The following SORCS1 variants were observed in gnomAD, a reference collection of about 807,000 sequenced individuals.
SORCS1 encodes sortilin related VPS10 domain containing receptor 1, also known as VPS10 domain-containing receptor SorCS1.
Under a neutral mutation model 146.1 loss-of-function variants are expected in SORCS1, and 60 were observed. That is an observed-to-expected ratio of 0.41 (90% CI 0.33 to 0.51). The LOEUF (loss-of-function observed/expected upper bound fraction) is 0.51. Ranked by LOEUF, SORCS1 falls within the 20% of genes least tolerant of loss-of-function variation. The pLI is 0.21. For synonymous variants in SORCS1, 637 were observed against 584.0 expected, an observed-to-expected ratio of 1.09 and a Z score of -1.31; for missense variants, 1,352 against 1,487.6, an observed-to-expected ratio of 0.91 and a Z score of 1.50.
chr10:106,807,724 T>G (rs1001642561), intron 3 of SORCS1, among the ~76,000 whole-genome samples: 1 of 152,270 alleles, frequency 6.6e-6, no homozygotes, highest in African/African-American at 2.4e-5. Context: ...CTTCTGCATC[T>G]CTGCCAAGAA....
At chr10:106,759,433 C>T (rs1858908693) in intron 5 of SORCS1, among the ~76,000 whole-genome samples, 1 of 152,150 alleles carries the variant, frequency 6.6e-6, no homozygotes, top group Non-Finnish European at 1.5e-5. Flanking sequence ...ATGTCTTTTC[C>T]ACAGGCAGAT....
chr10:106,788,037 C>A (rs938394054), intron 3 of SORCS1, among the ~76,000 whole-genome samples: 4 of 152,116 alleles, frequency 2.6e-5, no homozygotes, highest in Non-Finnish European at 4.4e-5. Flanking sequence ...TTACATGTTG[C>A]CTTTGAAAGT....
intron 5 of SORCS1, among the ~76,000 whole-genome samples, chr10:106,732,038 T>C (rs1856634740): frequency 1.3e-5 from 2 of 152,226 alleles, no homozygotes; most frequent in Non-Finnish European, 2.9e-5. Context: ...AAACTCATTT[T>C]TCCAACTCAA....
chr10:106,813,271 T>C (rs1387814083), intron 3 of SORCS1, among the ~76,000 whole-genome samples: 2 of 151,734 alleles, frequency 1.3e-5, no homozygotes, highest in African/African-American at 4.8e-5. Context: ...TAGCTGAAAT[T>C]ACAGGCACCC....
intron 16 of SORCS1, among the ~76,000 whole-genome samples, chr10:106,668,694 C>G (rs1419166155): frequency 6.6e-6 from 1 of 152,192 alleles, no homozygotes; most frequent in Non-Finnish European, 1.5e-5. Context: ...TGTCACCAGG[C>G]AGCTGGTACT....
intron 3 of SORCS1, among the ~76,000 whole-genome samples, chr10:106,821,150 G>A (rs970880861): frequency 1.3e-5 from 2 of 152,142 alleles, no homozygotes; most frequent in African/African-American, 2.4e-5. Flanking sequence ...TGATCACTTG[G>A]CCACAGAGGC....
upstream of SORCS1, among the ~76,000 whole-genome samples, chr10:107,168,109 A>G (rs558227396): frequency 6.6e-6 from 1 of 152,304 alleles, no homozygotes; most frequent in Non-Finnish European, 1.5e-5. Flanking sequence ...CTCTACCCTC[A>G]TCCTAATACG....
chr10:106,634,742 G>C (rs974713962), intron 18 of SORCS1, among the ~76,000 whole-genome samples: 2 of 152,192 alleles, frequency 1.3e-5, no homozygotes, highest in Admixed American at 1.3e-4. Context: ...TAGTAAGACA[G>C]TATCATGTTT....
At chr10:106,766,944 TAAAC>T (rs1287661428) in intron 4 of SORCS1, among the ~76,000 whole-genome samples, 4 of 152,116 alleles carry the variant, frequency 2.6e-5, no homozygotes, top group African/African-American at 9.7e-5. Flanking sequence ...TCTGTGCAAA[TAAAC>T]AGAGCAGCAA....
intron 2 of SORCS1, among the ~76,000 whole-genome samples, chr10:106,949,999 T>G (rs1024320359): frequency 6.6e-6 from 1 of 152,244 alleles, no homozygotes; most frequent in African/African-American, 2.4e-5. Context: ...TTCTAGATTT[T>G]GACAATTTAT....
chr10:106,782,165 C>T (rs1468470281), intron 3 of SORCS1, among the ~76,000 whole-genome samples: 2 of 152,174 alleles, frequency 1.3e-5, no homozygotes, highest in Non-Finnish European at 2.9e-5. Flanking sequence ...GACTGGGAAA[C>T]TATGGCATTG....
chr10:107,066,079 G>A (rs1203886972), intron 1 of SORCS1, among the ~76,000 whole-genome samples: 1 of 152,064 alleles, frequency 6.6e-6, no homozygotes, highest in Non-Finnish European at 1.5e-5. Context: ...TTGAAGAGAG[G>A]TGGAACTCTT....
intron 2 of SORCS1, among the ~76,000 whole-genome samples, chr10:106,830,564 T>C (rs1215150097): frequency 7.0e-6 from 1 of 142,738 alleles, no homozygotes; most frequent in South Asian, 2.2e-4. Flanking sequence ...ATACCTCAGC[T>C]TTTTTTTTTT....
intron 2 of SORCS1, among the ~76,000 whole-genome samples, chr10:106,916,686 T>C (rs1303836695): frequency 6.6e-6 from 1 of 151,058 alleles, no homozygotes; most frequent in Non-Finnish European, 1.5e-5. Context: ...ATATTTCCAT[T>C]AAAGATCTCT....
chr10:107,013,737 C>T (rs963270595), intron 1 of SORCS1, among the ~76,000 whole-genome samples: 2 of 152,106 alleles, frequency 1.3e-5, no homozygotes, highest in African/African-American at 4.8e-5. Context: ...ACCATAAATT[C>T]CCTCCAGGAC....
intron 1 of SORCS1, among the ~76,000 whole-genome samples, chr10:106,997,271 A>G (rs946106213): frequency 6.6e-6 from 1 of 152,154 alleles, no homozygotes; most frequent in African/African-American, 2.4e-5. Flanking sequence ...CTGTCCCCTG[A>G]GCCACACTCT....
At chr10:106,931,489 T>C (rs1225216796) in intron 2 of SORCS1, among the ~76,000 whole-genome samples, 1 of 152,148 alleles carries the variant, frequency 6.6e-6, no homozygotes, top group East Asian at 1.9e-4. Context: ...CAGGAAACTG[T>C]TTCACCATGC....
At chr10:106,863,167 G>A (rs1366685954) in intron 2 of SORCS1, among the ~76,000 whole-genome samples, 1 of 152,122 alleles carries the variant, frequency 6.6e-6, no homozygotes, top group Non-Finnish European at 1.5e-5. Flanking sequence ...GCTGAAAACT[G>A]TAGTTACATT....
At chr10:106,941,585 T>C (rs948513897) in intron 2 of SORCS1, among the ~76,000 whole-genome samples, 2 of 152,182 alleles carry the variant, frequency 1.3e-5, no homozygotes, top group African/African-American at 2.4e-5. Context: ...ACCCTTCCTT[T>C]ATTGAGAATT....
Sources: allele counts gnomAD v4.1 joint callset (sites outside exome capture counted in the v4.1 genomes callset), GRCh38; gene constraint gnomAD v4.1.1; transcripts MANE v1.5; gene names NCBI Gene and HGNC (gene_info 2026-07-23, HGNC 2026-07-21).